The following DNAH3 variants were observed in gnomAD, a reference collection of about 807,000 sequenced individuals.
The protein encoded by DNAH3 is dynein axonemal heavy chain 3.
DNAH3 carries 332 observed loss-of-function variants against 432.5 expected under a neutral mutation model. The observed-to-expected ratio is 0.77, with a 90% CI of 0.70 to 0.84. DNAH3 has a LOEUF of 0.84. DNAH3 is among the 40% of genes least tolerant of loss of function. DNAH3 has a pLI of 0.00. For missense variants in DNAH3, 4,861 were observed against 5,114.0 expected (o/e 0.95, Z 1.51); for synonymous variants, 1,956 against 1,900.2 (o/e 1.03, Z -0.76).
intron 50 of DNAH3, among the ~76,000 whole-genome samples, chr16:20,978,618 C>T (rs557240275): frequency 9.8e-5 from 15 of 152,312 alleles, no homozygotes; most frequent in Non-Finnish European, 1.5e-5. Flanking sequence ...ACTGCAGCCT[C>T]AAACTCCTGG....
intron 31 of DNAH3, among the ~76,000 whole-genome samples, chr16:21,043,239 G>A (rs2089529499): frequency 1.3e-5 from 2 of 150,908 alleles, no homozygotes; most frequent in Non-Finnish European, 3.0e-5. Context: ...TCCCTGAGGA[G>A]TCGCCACACT....
chr16:21,039,960 A>G lies in DNAH3; in HGVS notation c.4639-17T>C, dbSNP rs2089355860. ...GAACAAGGCCTGGAAAAGAAACAAC[A>G]AATCAGAATCGGAACACGTGCAGTG... On this transcript the variant is annotated splice_polypyrimidine_tract_variant and intron_variant, in intron 32 of 61. Coordinates refer to ENST00000261383, the Ensembl canonical transcript of DNAH3. The G allele has an allele frequency of 2.5e-6, 4 of 1,602,778 alleles. No individual in the cohort carries two copies. The highest frequency in any genetic ancestry group is 3.4e-6 in the Non-Finnish European group (4 of 1,170,176).
intron 29 of DNAH3, among the ~76,000 whole-genome samples, chr16:21,050,593 C>G (rs1167141750): frequency 2.0e-5 from 3 of 152,168 alleles, no homozygotes; most frequent in Non-Finnish European, 4.4e-5. Flanking sequence ...GCACACACCA[C>G]CACACCCAGT....
chr16:21,024,328 A>C (rs929899054), intron 39 of DNAH3, among the ~76,000 whole-genome samples: 1 of 152,182 alleles, frequency 6.6e-6, no homozygotes, highest in Non-Finnish European at 1.5e-5. Flanking sequence ...ATTCCTCAGC[A>C]CTGGGATTCT....
chr16:21,072,814 AATT>A (rs10592697), intron 21 of DNAH3, among the ~76,000 whole-genome samples: 47,796 of 146,238 alleles, frequency 0.33, 8,002 homozygotes, highest in East Asian at 0.54. Context: ...ATACTCAGCT[AATT>A]ATTATTATTA....
chr16:21,089,512 G>A (rs913053551), intron 18 of DNAH3, among the ~76,000 whole-genome samples: 32 of 152,126 alleles, frequency 2.1e-4, no homozygotes, highest in African/African-American at 7.7e-4. Flanking sequence ...CATGCAAAGT[G>A]TCTTTTATGG....
intron 9 of DNAH3, among the ~76,000 whole-genome samples, chr16:21,124,671 C>CA (rs1374262121): frequency 6.7e-6 from 1 of 149,854 alleles, no homozygotes; most frequent in East Asian, 2.0e-4. Context: ...CTTTTTGAGA[C>CA]AGAGTTTCAC....
At chr16:21,018,984 AG>A (rs1322289192) in intron 41 of DNAH3, among the ~76,000 whole-genome samples, 1 of 152,094 alleles carries the variant, frequency 6.6e-6, no homozygotes, top group East Asian at 1.9e-4. Flanking sequence ...AGAAATAGAA[AG>A]GAATAAGAAA....
chr16:20,935,063 C>A (rs995957231), intron 61 of DNAH3, among the ~76,000 whole-genome samples: 1 of 152,094 alleles, frequency 6.6e-6, no homozygotes, highest in Non-Finnish European at 1.5e-5. Flanking sequence ...AAGAGTCCAC[C>A]ACATTGAACA....
chr16:20,962,210 C>T (rs1288751323), intron 53 of DNAH3, among the ~76,000 whole-genome samples: 2 of 151,930 alleles, frequency 1.3e-5, no homozygotes, highest in East Asian at 3.9e-4. Context: ...AATCATTGTG[C>T]ACCTGCTACT....
At position 21,060,180 on chromosome 16, in the gene DNAH3, C is replaced by A. The variant is rs998608819; in HGVS notation, c.3813+84G>T. 4.3e-6 allele frequency: 5 copies of A among 1,158,946 alleles called. No individual in the cohort carries two copies. In the African/African-American group the frequency reaches 7.5e-5, roughly 17 times the overall value. 71.8% of individuals were successfully genotyped at this position (1,158,946 alleles called of 1,614,324 possible). A position where few individuals can be genotyped will look rare whatever the true frequency, so the allele number is the denominator to read the frequency against. ...TTTGGTAGAAAGCAGAGGGTCCAGCCAAACTACTGACACATGAACCTTCTC... is the reference window on the plus strand; with the variant it reads ...TTTGGTAGAAAGCAGAGGGTCCAGCAAAACTACTGACACATGAACCTTCTC... On this transcript the variant is annotated intron_variant, in intron 26 of 61. Coordinates refer to ENST00000261383, the Ensembl canonical transcript of DNAH3.
intron 1 of DNAH3, among the ~76,000 whole-genome samples, chr16:21,148,420 TTTA>T (rs202065909): frequency 2.7e-5 from 4 of 150,446 alleles, no homozygotes; most frequent in Admixed American, 6.7e-5. Flanking sequence ...CAGTGACTTA[TTTA>T]TTATTATTAT....
At chr16:21,098,657 C>T in exon 17 of DNAH3, 1 of 1,613,624 alleles carries the variant, frequency 6.2e-7, no homozygotes, top group Non-Finnish European at 8.5e-7. Flanking sequence ...TTTGAAAGCT[C>T]ATTAAGCTTT....
chr16:20,991,561 GC>G, intron 44 of DNAH3, among the ~76,000 whole-genome samples: 1 of 152,250 alleles, frequency 6.6e-6, no homozygotes, highest in South Asian at 2.1e-4. Context: ...TCTGCACCTG[GC>G]CTCATATGTA....
chr16:21,047,135 A>G (rs1318365881), intron 31 of DNAH3, among the ~76,000 whole-genome samples: 42 of 150,208 alleles, frequency 2.8e-4, no homozygotes, highest in Non-Finnish European at 5.2e-4. Flanking sequence ...AACTTTGGTG[A>G]ATCTGACAAT....
chr16:20,964,638 A>G (rs1260676437), exon 53 of DNAH3: 4 of 1,614,064 alleles, frequency 2.5e-6, no homozygotes, highest in South Asian at 2.2e-5. Flanking sequence ...CGTGAGGGTC[A>G]ATCATTAAGG....
intron 18 of DNAH3, among the ~76,000 whole-genome samples, chr16:21,087,627 A>G (rs1201650625): frequency 2.6e-5 from 4 of 152,220 alleles, no homozygotes; most frequent in Non-Finnish European, 5.9e-5. Flanking sequence ...AATATTAACC[A>G]TCGGGGAAAG....
At chr16:21,042,841 TC>T (rs2089509476) in intron 31 of DNAH3, among the ~76,000 whole-genome samples, 1 of 152,056 alleles carries the variant, frequency 6.6e-6, no homozygotes, top group African/African-American at 2.4e-5. Context: ...CCCACAACGG[TC>T]CCCAGAGTGT....
chr16:20,954,567 G>A (rs1227780431), intron 55 of DNAH3, among the ~76,000 whole-genome samples: 1 of 151,924 alleles, frequency 6.6e-6, no homozygotes, highest in Non-Finnish European at 1.5e-5. Context: ...TGGGATTAAA[G>A]GCACAAGTCA....
Sources: allele counts gnomAD v4.1 joint callset (sites outside exome capture counted in the v4.1 genomes callset), GRCh38; gene constraint gnomAD v4.1.1; transcripts MANE v1.5; gene names NCBI Gene and HGNC (gene_info 2026-07-23, HGNC 2026-07-21).